The following RPS6KC1 variants were observed in gnomAD, a reference collection of about 807,000 sequenced individuals.
The protein encoded by RPS6KC1 is ribosomal protein S6 kinase C1, also known as inactive ribosomal protein S6 kinase delta-1.
RPS6KC1 carries 54 observed loss-of-function variants against 103.8 expected under a neutral mutation model. The ratio of observed to expected loss-of-function variants is 0.52; its 90% CI spans 0.42 to 0.65. RPS6KC1 has a LOEUF of 0.65. RPS6KC1 is among the 30% of genes least tolerant of loss of function. RPS6KC1 has a pLI of 0.00. For synonymous variants in RPS6KC1, 439 were observed against 438.7 expected (o/e 1.00, Z -0.01); for missense variants, 1,151 against 1,253.8 (o/e 0.92, Z 1.24).
the RPS6KC1 span, among the ~76,000 whole-genome samples, chr1:213,431,286 A>G: frequency 2.0e-5 from 3 of 152,198 alleles, no homozygotes; most frequent in East Asian, 1.9e-4. Context: ...TTTTAATGAG[A>G]TTTTTTTAAA....
chr1:213,129,676 G>A lies in RPS6KC1; in HGVS notation c.622G>A (p.Ala208Thr). ...GGATTCTTCAGCACTAGGGGCTGTT[G>A]CTTCTGACAGTGAACAGAGCAAAAC... is the stretch of plus-strand genomic sequence containing the variant. ...SSDSSALGAVASDSEQSKTEE... is the reference protein window; with the variant it reads ...SSDSSALGAVTSDSEQSKTEE... Residue 208 changes from alanine (A) to threonine (T), a missense_variant, in exon 6 of 15, where the codon GCT becomes ACT. Ala to Thr is a moderately conservative substitution (Grantham distance 58). This residue lies in a region of RPS6KC1 where 959 missense variants were observed against 1,006.3 expected (regional missense o/e 0.95). Transcript: ENST00000366960. 6.2e-7 allele frequency: 1 copy of A among 1,614,012 alleles called. No individual in the cohort carries two copies. The highest frequency in any genetic ancestry group is 8.5e-7 in the Non-Finnish European group (1 of 1,179,958).
chr1:213,067,682 T>G (rs1019272893), intron 1 of RPS6KC1, among the ~76,000 whole-genome samples: 2 of 152,182 alleles, frequency 1.3e-5, no homozygotes, highest in African/African-American at 4.8e-5. Context: ...ACCCCACCAC[T>G]GTGTACCACT....
the RPS6KC1 span, among the ~76,000 whole-genome samples, chr1:213,602,214 A>G: frequency 2.8e-5 from 1 of 36,146 alleles, no homozygotes; most frequent in Non-Finnish European, 4.8e-5. Context: ...CCCTCCCTCC[A>G]TTCCTTCTTC....
chr1:213,822,551 T>G, the RPS6KC1 span: 1 of 152,254 alleles, frequency 6.6e-6, no homozygotes, highest in Non-Finnish European at 1.5e-5. Context: ...CCCAGCTGCC[T>G]ACTTAGACAC....
chr1:213,707,469 T>A, the RPS6KC1 span, among the ~76,000 whole-genome samples: 5 of 152,176 alleles, frequency 3.3e-5, no homozygotes, highest in Non-Finnish European at 7.4e-5. Context: ...ATGGATAGAT[T>A]GCAAAAATTT....
At chr1:213,728,141 G>A in the RPS6KC1 span, among the ~76,000 whole-genome samples, 1 of 152,146 alleles carries the variant, frequency 6.6e-6, no homozygotes, top group South Asian at 2.1e-4. Context: ...AGCGTGATAA[G>A]CGGTGCACAG....
At chr1:213,518,857 G>C in the RPS6KC1 span, among the ~76,000 whole-genome samples, 11 of 152,156 alleles carry the variant, frequency 7.2e-5, no homozygotes. Context: ...TCCATGTGGG[G>C]CTGTAGAATG....
intron 4 of RPS6KC1, among the ~76,000 whole-genome samples, chr1:213,109,841 T>A (rs929038022): frequency 6.6e-6 from 1 of 152,048 alleles, no homozygotes; most frequent in Non-Finnish European, 1.5e-5. Context: ...GTTTTTTTTT[T>A]TTTATTGGAG....
the RPS6KC1 span, among the ~76,000 whole-genome samples, chr1:213,700,198 A>G: frequency 0.99 from 150,615 of 152,170 alleles, 74,552 homozygotes; most frequent in Middle Eastern, 1. Context: ...GATTTAAGTC[A>G]TTCGTTCATT....
chr1:213,732,948 G>T, the RPS6KC1 span, among the ~76,000 whole-genome samples: 1 of 151,996 alleles, frequency 6.6e-6, no homozygotes, highest in Non-Finnish European at 1.5e-5. Context: ...TGCCCTTCAG[G>T]TTCATCATGT....
chr1:213,285,363 C>T, the RPS6KC1 span, among the ~76,000 whole-genome samples: 1 of 152,088 alleles, frequency 6.6e-6, no homozygotes, highest in East Asian at 1.9e-4. Flanking sequence ...AGGATTTAAG[C>T]ATGAATTTTG....
chr1:213,368,077 C>G, the RPS6KC1 span, among the ~76,000 whole-genome samples: 1 of 152,296 alleles, frequency 6.6e-6, no homozygotes, highest in South Asian at 2.1e-4. Context: ...GTCTGAGATG[C>G]AAACAAGTAA....
At chr1:213,096,826 T>G (rs546890396) in intron 3 of RPS6KC1, among the ~76,000 whole-genome samples, 1 of 152,232 alleles carries the variant, frequency 6.6e-6, no homozygotes, top group East Asian at 1.9e-4. Flanking sequence ...ATTTCTTAAA[T>G]AAATAATAAA....
intron 6 of RPS6KC1, among the ~76,000 whole-genome samples, chr1:213,144,728 A>G (rs1369579125): frequency 6.6e-6 from 1 of 152,056 alleles, no homozygotes; most frequent in Non-Finnish European, 1.5e-5. Context: ...AGTGTACAAT[A>G]GCAATATCAT....
At chr1:213,308,394 G>A in the RPS6KC1 span, among the ~76,000 whole-genome samples, 8 of 151,464 alleles carry the variant, frequency 5.3e-5, 1 homozygote, top group South Asian at 2.1e-4. Context: ...ACCTTTACAC[G>A]TTTTTTCTTC....
At chr1:213,819,635 G>C in the RPS6KC1 span, 3 of 152,174 alleles carry the variant, frequency 2.0e-5, no homozygotes, top group Non-Finnish European at 2.9e-5. Flanking sequence ...CCTCTGTGAG[G>C]TTTTGTGAAA....
chr1:213,629,543 C>A, the RPS6KC1 span, among the ~76,000 whole-genome samples: 1 of 152,144 alleles, frequency 6.6e-6, no homozygotes, highest in Non-Finnish European at 1.5e-5. Context: ...ATCCAATTTG[C>A]CAGTCTGTGT....
chr1:213,422,186 T>C, the RPS6KC1 span, among the ~76,000 whole-genome samples: 52 of 152,168 alleles, frequency 3.4e-4, no homozygotes, highest in African/African-American at 1.2e-3. Flanking sequence ...CCCTCCTTCC[T>C]CCAGCCCTCA....
At chr1:213,240,488 A>G (rs79591701) in intron 10 of RPS6KC1, among the ~76,000 whole-genome samples, 6 of 152,140 alleles carry the variant, frequency 3.9e-5, no homozygotes, top group African/African-American at 1.4e-4. Flanking sequence ...TAAAAAAAAA[A>G]TTGATATCAG....
Sources: allele counts gnomAD v4.1 joint callset (sites outside exome capture counted in the v4.1 genomes callset), GRCh38; gene constraint gnomAD v4.1.1; regional missense constraint gnomAD v4.1.1; transcripts MANE v1.5; gene names NCBI Gene and HGNC (gene_info 2026-07-23, HGNC 2026-07-21).